Variants in EMC3 observed in about 807,000 individuals in gnomAD.
EMC3 encodes 30 kDa protein.
Under a neutral mutation model 36.6 loss-of-function variants are expected in EMC3, and 13 were observed. That is an observed-to-expected ratio of 0.35 (90% CI 0.23 to 0.56). The LOEUF is 0.56. Ranked by LOEUF, EMC3 falls within the 20% of genes least tolerant of loss-of-function variation. The pLI is 0.84. For synonymous variants in EMC3, 120 were observed against 111.9 expected (o/e 1.07, Z -0.46); for missense variants, 220 against 324.5 (o/e 0.68, Z 2.47).
At chr3:9,981,057 T>C (rs1345608191) in intron 1 of EMC3, among the ~76,000 whole-genome samples, 4 of 152,158 alleles carry the variant, frequency 2.6e-5, no homozygotes, top group Admixed American at 2.6e-4. Context: ...ATTTAAACAT[T>C]AGCCAGGTGC....
intron 5 of EMC3, among the ~76,000 whole-genome samples, chr3:9,971,790 T>G (rs1433268502): frequency 6.6e-6 from 1 of 152,134 alleles, no homozygotes; most frequent in African/African-American, 2.4e-5. Flanking sequence ...CCTTTCCTGC[T>G]CCTCCCACAC....
chr3:9,974,286 T>G, intron 4 of EMC3, 98 bp downstream of exon 4: 1 of 810,976 alleles, frequency 1.2e-6, no homozygotes, highest in Middle Eastern at 2.3e-4. Flanking sequence ...AGGACTATTA[T>G]CAGTTTACAA....
intron 1 of EMC3, among the ~76,000 whole-genome samples, chr3:9,998,440 T>C (rs1007503124): frequency 2.7e-5 from 4 of 149,916 alleles, no homozygotes; most frequent in African/African-American, 7.3e-5. Flanking sequence ...ATTTAATTTT[T>C]TTTTTTATGT....
At position 9,986,441 on chromosome 3, in the gene EMC3, ACTC is replaced by A. The variant is rs1204930737; in HGVS notation, c.155+63_155+65del. The A allele has an allele frequency of 4.4e-6, 7 of 1,583,230 alleles. No individual in the cohort carries two copies. In the Admixed American group the frequency reaches 1.2e-4, roughly 27 times the overall value. ...ACGTGAACCTAGGCAAATTGACACA[ACTC>A]CTGCACTTTTTTGCCCAAGGTCACG... On this transcript the variant is annotated intron_variant, in intron 1 of 7. Coordinates refer to ENST00000245046, the MANE Select transcript of EMC3 (RefSeq NM_001394674.1).
chr3:9,969,433 C>G, intron 7 of EMC3: 1 of 1,303,020 alleles, frequency 7.7e-7, no homozygotes, highest in Non-Finnish European at 9.8e-7. Context: ...TCAAATTATT[C>G]TAAATGTTTA....
At chr3:9,973,071 C>A (rs6768233) in intron 5 of EMC3, among the ~76,000 whole-genome samples, 12 of 151,234 alleles carry the variant, frequency 7.9e-5, no homozygotes, top group African/African-American at 2.7e-4. Context: ...GTGATCCGCC[C>A]GCCTCGGCCT....
chr3:9,975,730 T>C (rs1392994432), intron 3 of EMC3, among the ~76,000 whole-genome samples: 1 of 146,674 alleles, frequency 6.8e-6, no homozygotes, highest in Non-Finnish European at 1.5e-5. Flanking sequence ...GAGAATCGCG[T>C]GAACCCGGGA....
chr3:9,994,997 T>C (rs2086106081), intron 1 of EMC3, among the ~76,000 whole-genome samples: 1 of 152,080 alleles, frequency 6.6e-6, no homozygotes, highest in South Asian at 2.1e-4. Context: ...TTAGCAATGT[T>C]AAAACGCATC....
At chr3:9,970,480 G>A in intron 6 of EMC3, 102 bp downstream of exon 6, 2 of 1,273,412 alleles carry the variant, frequency 1.6e-6, no homozygotes, top group Non-Finnish European at 2.3e-6. Context: ...CATTTTATTT[G>A]ACTATGGTAA....
At position 9,994,312 on chromosome 3, in the gene EMC3, T is replaced by C. The variant is rs376043079; in HGVS notation, c.-241-7410A>G. On this transcript the variant is annotated intron_variant, in intron 1 of 8. Transcript: ENST00000470827. ...TAATGTGTTTATGTTTTTTGACACA[T>C]ACTGCCAGCAGGTATGTTGAAATAC... The C allele has an allele frequency of 2.6e-5, 25 of 952,242 alleles. 1 individual carries two copies. Among genetic ancestry groups the C allele is most frequent in the South Asian group, 1.9e-4 (15 of 78,204 alleles). The allele number at this position is 952,242 out of a possible 1,614,324, so 59.0% of individuals were successfully genotyped here. A position where few individuals can be genotyped will look rare whatever the true frequency, so the allele number is the denominator to read the frequency against.
chr3:9,982,486 C>G (rs1328846152), intron 1 of EMC3, among the ~76,000 whole-genome samples: 9 of 152,190 alleles, frequency 5.9e-5, no homozygotes, highest in Non-Finnish European at 1.0e-4. Context: ...ATCTCCTGAC[C>G]TCGTGATCTG....
At chr3:9,979,536 GGGTAGATT>G (rs2124912358) in intron 1 of EMC3, among the ~76,000 whole-genome samples, 1 of 152,286 alleles carries the variant, frequency 6.6e-6, no homozygotes, top group East Asian at 1.9e-4. Flanking sequence ...TTCTGTACAA[GGGTAGATT>G]TATTCTTTCA....
intron 1 of EMC3, among the ~76,000 whole-genome samples, chr3:9,998,406 A>AATAATAATT (rs757919421): frequency 2.7e-4 from 39 of 143,752 alleles, no homozygotes; most frequent in South Asian, 8.9e-4. Flanking sequence ...TAATAATAAT[A>AATAATAATT]ATTTTGCTTT....
chr3:9,970,133 A>C (rs935255897), intron 6 of EMC3, among the ~76,000 whole-genome samples: 10 of 152,372 alleles, frequency 6.6e-5, no homozygotes, highest in African/African-American at 2.2e-4. Flanking sequence ...ACAACCCCAC[A>C]GGTTAACTAA....
chr3:9,963,865 TA>T lies in EMC3; in HGVS notation c.*203del. The T allele has an allele frequency of 2.9e-6, 2 of 697,504 alleles. No homozygotes were observed. The highest frequency in any genetic ancestry group is 4.4e-6 in the Non-Finnish European group (2 of 451,276). The allele number at this position is 697,504 out of a possible 1,614,324, so 43.2% of individuals were successfully genotyped here. A position where few individuals can be genotyped will look rare whatever the true frequency, so the allele number is the denominator to read the frequency against. On this transcript the variant is annotated 3_prime_UTR_variant, in exon 8 of 8. Transcript: ENST00000245046. ...ACCAGAAGGAACATTTACAACATTT[TA>T]AAAATAACAAGTTGCCCAGCATACT...
upstream of EMC3, among the ~76,000 whole-genome samples, chr3:9,987,609 A>C (rs375571072): frequency 7.2e-5 from 11 of 152,296 alleles, 1 homozygote; most frequent in East Asian, 9.6e-4. Context: ...ATGTTGACTA[A>C]TCCGGATAGC....
intron 1 of EMC3, among the ~76,000 whole-genome samples, chr3:9,998,468 C>T (rs990439800): frequency 1.3e-5 from 2 of 150,448 alleles, no homozygotes; most frequent in African/African-American, 4.9e-5. Flanking sequence ...CTTGCTCTGT[C>T]ACCCAGGCTG....
chr3:10,000,214 T>A (rs2086181138), intron 1 of EMC3, among the ~76,000 whole-genome samples: 1 of 152,048 alleles, frequency 6.6e-6, no homozygotes, highest in African/African-American at 2.4e-5. Flanking sequence ...AATTTTTGTA[T>A]TTTTAGTAGA....
At chr3:9,969,381 T>A in intron 7 of EMC3, 1 of 1,150,568 alleles carries the variant, frequency 8.7e-7, no homozygotes, top group African/African-American at 1.6e-5. Flanking sequence ...TATTGTTTTT[T>A]TAATGCAATT....
Sources: allele counts gnomAD v4.1 joint callset (sites outside exome capture counted in the v4.1 genomes callset), GRCh38; gene constraint gnomAD v4.1.1; transcripts MANE v1.5; gene names NCBI Gene and HGNC (gene_info 2026-07-23, HGNC 2026-07-21).